Variants in SYT9 observed in about 807,000 individuals in gnomAD.
SYT9 encodes synaptotagmin-9.
In SYT9, 22 loss-of-function variants were observed where a neutral mutation model predicts 48.4. That is an observed-to-expected ratio of 0.45 (90% CI 0.32 to 0.65). The LOEUF (loss-of-function observed/expected upper bound fraction) is 0.65. Among genes scored for constraint, SYT9 ranks in the 30% least tolerant of loss-of-function variants. The probability of loss-of-function intolerance (pLI) is 0.03; values close to 1 mark genes in which losing one functional copy is unlikely to be tolerated. For synonymous variants in SYT9, 265 were observed against 245.0 expected (o/e 1.08, Z -0.76); for missense variants, 577 against 622.0 (o/e 0.93, Z 0.77).
At chr11:7,338,673 T>A (rs183017442) in intron 3 of SYT9, among the ~76,000 whole-genome samples, 13 of 152,030 alleles carry the variant, frequency 8.6e-5, no homozygotes, top group Admixed American at 5.2e-4. Context: ...TGATTTTTTG[T>A]CTCGATTTCT....
chr11:7,256,904 A>G (rs1025776066), intron 1 of SYT9, among the ~76,000 whole-genome samples: 18 of 152,150 alleles, frequency 1.2e-4, no homozygotes, highest in Non-Finnish European at 2.4e-4. Context: ...ATATTACTCT[A>G]TTCAAGAAAA....
chr11:7,333,236 C>T (rs889242868), intron 3 of SYT9, among the ~76,000 whole-genome samples: 9 of 152,060 alleles, frequency 5.9e-5, no homozygotes, highest in Admixed American at 5.2e-4. Context: ...TAGGCTGTTT[C>T]TTAGGAAGCT....
At chr11:7,408,703 T>C (rs1222010408) in intron 3 of SYT9, among the ~76,000 whole-genome samples, 1 of 152,248 alleles carries the variant, frequency 6.6e-6, no homozygotes, top group Non-Finnish European at 1.5e-5. Flanking sequence ...TTTACTAAAT[T>C]TATCAAATCT....
intron 3 of SYT9, among the ~76,000 whole-genome samples, chr11:7,314,521 A>C (rs1849205472): frequency 1.3e-5 from 2 of 152,222 alleles, no homozygotes; most frequent in African/African-American, 4.8e-5. Flanking sequence ...TGGCAAAACT[A>C]ATCTATCGAC....
chr11:7,291,203 G>A (rs1167511364), intron 1 of SYT9, among the ~76,000 whole-genome samples: 1 of 152,190 alleles, frequency 6.6e-6, no homozygotes, highest in African/African-American at 2.4e-5. Flanking sequence ...TATAGTCCAT[G>A]TAGGTCAGCC....
intron 6 of SYT9, among the ~76,000 whole-genome samples, chr11:7,444,993 T>A (rs66993008): frequency 0.13 from 20,012 of 151,868 alleles, 1,488 homozygotes; most frequent in Middle Eastern, 0.18. Flanking sequence ...CAGGAGAGAG[T>A]GTGGTATTTA....
intron 1 of SYT9, among the ~76,000 whole-genome samples, chr11:7,292,430 C>T (rs1211552037): frequency 2.0e-5 from 3 of 152,172 alleles, no homozygotes; most frequent in African/African-American, 7.2e-5. Context: ...GGAATCTCTT[C>T]CCCCATTGTA....
intron 4 of SYT9, 71 bp from the exon 5 acceptor site, chr11:7,417,886 A>T: frequency 4.6e-6 from 7 of 1,514,306 alleles, no homozygotes; most frequent in Middle Eastern, 1.8e-4. Context: ...ATGAAAACTC[A>T]CAGTGATATA....
chr11:7,378,309 A>G (rs1314529365), intron 3 of SYT9, among the ~76,000 whole-genome samples: 1 of 152,074 alleles, frequency 6.6e-6, no homozygotes, highest in Non-Finnish European at 1.5e-5. Flanking sequence ...TTTATATAAT[A>G]TGCTAAGGAA....
chr11:7,353,374 C>A (rs1367013355), intron 3 of SYT9, among the ~76,000 whole-genome samples: 1 of 152,158 alleles, frequency 6.6e-6, no homozygotes, highest in Non-Finnish European at 1.5e-5. Context: ...GCACTCAGCC[C>A]CTGCAGCATA....
chr11:7,448,198 A>G (rs912863482), intron 6 of SYT9, among the ~76,000 whole-genome samples: 1 of 152,210 alleles, frequency 6.6e-6, no homozygotes, highest in African/African-American at 2.4e-5. Flanking sequence ...GAGACAGTCT[A>G]GTGACTTTGT....
At chr11:7,261,791 G>T (rs937664788) in intron 1 of SYT9, among the ~76,000 whole-genome samples, 3 of 152,084 alleles carry the variant, frequency 2.0e-5, no homozygotes, top group East Asian at 3.9e-4. Flanking sequence ...TTAGCCAAGG[G>T]TTAGTATGAC....
intron 3 of SYT9, among the ~76,000 whole-genome samples, chr11:7,348,186 C>G (rs1181387892): frequency 1.3e-5 from 2 of 152,154 alleles, no homozygotes; most frequent in African/African-American, 4.8e-5. Context: ...AGGACCTCCC[C>G]CTTCAAAGAC....
chr11:7,243,446 T>C (rs761666087), intron 1 of SYT9, among the ~76,000 whole-genome samples: 9 of 152,184 alleles, frequency 5.9e-5, no homozygotes, highest in Non-Finnish European at 1.2e-4. Context: ...AGAGGCAATA[T>C]AGTGGATCTC....
intron 3 of SYT9, among the ~76,000 whole-genome samples, chr11:7,357,753 C>A (rs1850049287): frequency 6.6e-6 from 1 of 152,112 alleles, no homozygotes; most frequent in African/African-American, 2.4e-5. Flanking sequence ...TTATTCTTAG[C>A]CCTTCATTAT....
chr11:7,258,866 C>A (rs572816697), intron 1 of SYT9, among the ~76,000 whole-genome samples: 1 of 152,154 alleles, frequency 6.6e-6, no homozygotes, highest in South Asian at 2.1e-4. Flanking sequence ...AATTTACTTT[C>A]TACTTTTTTG....
At chr11:7,358,841 T>C (rs76167994) in intron 3 of SYT9, among the ~76,000 whole-genome samples, 4,005 of 152,262 alleles carry the variant, frequency 0.026, 121 homozygotes, top group African/African-American at 0.072. Context: ...TCCCTGCTTC[T>C]AATTTCTTCA....
intron 6 of SYT9, among the ~76,000 whole-genome samples, chr11:7,433,193 G>C (rs186220218): frequency 1.3e-5 from 2 of 152,106 alleles, no homozygotes; most frequent in Admixed American, 6.5e-5. Context: ...ATAAGTAAAA[G>C]CTTCCTGAGA....
rs542004920 is a variant in SYT9 at position 7,296,203 on chromosome 11, TGACAA to T, written c.146-6828_146-6824del. The stretch of plus-strand genomic sequence containing the variant: ...TACTATTATTATCCCAATGTTACTT[TGACAA>T]GACAAGATACAGAAAATTTATCTAT... On this transcript the variant is annotated intron_variant, in intron 1 of 6. Coordinates refer to ENST00000318881, the MANE Select transcript of SYT9 (RefSeq NM_175733.4). Among the ~76,000 whole-genome samples, 10 of 152,334 alleles carry T rather than the reference TGACAA, an allele frequency of 6.6e-5. No homozygotes were observed. In the South Asian group the frequency reaches 2.1e-3, roughly 32 times the overall value.
Sources: gnomAD v4.1 joint callset for allele counts (sites outside exome capture counted in the v4.1 genomes callset) on GRCh38, gnomAD v4.1.1 for gene constraint, MANE v1.5 for transcripts, NCBI Gene and HGNC (gene_info 2026-07-23, HGNC 2026-07-21) for gene names.